The following MARCHF1 variants were observed in gnomAD, a reference collection of about 807,000 sequenced individuals.
MARCHF1 encodes the protein E3 ubiquitin-protein ligase MARCHF1.
A neutral mutation model predicts 54.2 loss-of-function variants in MARCHF1; 40 were observed. That is an observed-to-expected ratio of 0.74 (90% confidence interval 0.57 to 0.96). MARCHF1 has a LOEUF of 0.96. Ranked by LOEUF, MARCHF1 falls within the 40% of genes least tolerant of loss-of-function variation. MARCHF1 has a pLI of 0.00. For synonymous variants in MARCHF1, 236 were observed against 236.3 expected, an observed-to-expected ratio of 1.00 and a Z score of 0.01; for missense variants, 586 against 656.5, an observed-to-expected ratio of 0.89 and a Z score of 1.17.
chr4:163,731,151 A>G (rs1442022754), intron 4 of MARCHF1, among the ~76,000 whole-genome samples: 1 of 152,222 alleles, frequency 6.6e-6, no homozygotes, highest in Non-Finnish European at 1.5e-5. Context: ...ATGACCAAGC[A>G]CATCCCTCTA....
At chr4:163,965,620 A>G (rs1034363502) in intron 3 of MARCHF1, among the ~76,000 whole-genome samples, 1 of 152,050 alleles carries the variant, frequency 6.6e-6, no homozygotes, top group Non-Finnish European at 1.5e-5. Context: ...ACTACTGTAC[A>G]TGACATTTTA....
At position 164,284,357 on chromosome 4, in the gene MARCHF1, A is replaced by C. The variant is rs903611846; in HGVS notation, c.-323+99513T>G. ...GACAGAGAGAGAGAGAGAGAGAGAG[A>C]GAGAGCAAGAACAAGCTGGTCTGGC... On this transcript the variant is annotated intron_variant, in intron 1 of 9. Coordinates refer to ENST00000514618, the MANE Select transcript of MARCHF1 (RefSeq NM_001394959.1). 8.7e-5 allele frequency among the ~76,000 whole-genome samples: 13 copies of C among 148,592 alleles called. No homozygotes were observed. In the South Asian group the frequency reaches 2.8e-3, roughly 32 times the overall value.
chr4:164,059,760 C>T (rs1258695404), intron 2 of MARCHF1, among the ~76,000 whole-genome samples: 1 of 151,982 alleles, frequency 6.6e-6, no homozygotes, highest in African/African-American at 2.4e-5. Context: ...CAATGTGAAG[C>T]ACACAATTTT....
chr4:164,236,631 C>T lies in MARCHF1; in HGVS notation c.-322-124969G>A, dbSNP rs1165232242. 3.9e-5 allele frequency among the ~76,000 whole-genome samples: 6 copies of T among 152,204 alleles called. No homozygotes were observed. The East Asian group carries it at 1.2e-3, about 29-fold the overall frequency. Reference sequence around the variant, plus strand: ...CTAAGCTGGGAACATGTGCATTGAACATCTCAAAGTTTTTGCCACACTGCA... The same window carrying T: ...CTAAGCTGGGAACATGTGCATTGAATATCTCAAAGTTTTTGCCACACTGCA... On this transcript the variant is annotated intron_variant, in intron 1 of 9. Coordinates refer to ENST00000514618, the MANE Select transcript of MARCHF1 (RefSeq NM_001394959.1).
intron 3 of MARCHF1, among the ~76,000 whole-genome samples, chr4:163,925,023 T>C (rs35803817): frequency 6.6e-6 from 1 of 151,532 alleles, no homozygotes; most frequent in Admixed American, 6.6e-5. Flanking sequence ...AGATTTTTAA[T>C]GTCCCAAAGT....
intron 4 of MARCHF1, among the ~76,000 whole-genome samples, chr4:163,817,593 A>G (rs1387179697): frequency 1.3e-5 from 2 of 151,914 alleles, no homozygotes; most frequent in African/African-American, 2.4e-5. Context: ...ACATTTCACA[A>G]TCTGTTGCAC....
intron 4 of MARCHF1, among the ~76,000 whole-genome samples, chr4:163,741,440 G>A (rs1746192587): frequency 1.3e-5 from 2 of 152,002 alleles, no homozygotes; most frequent in Non-Finnish European, 2.9e-5. Context: ...CAAATTAGCC[G>A]GGCGTGGTGG....
intron 4 of MARCHF1, among the ~76,000 whole-genome samples, chr4:163,739,414 A>G (rs540568598): frequency 6.6e-6 from 1 of 152,352 alleles, no homozygotes; most frequent in East Asian, 1.9e-4. Context: ...TAGAAAATTC[A>G]GTATGATGAA....
chr4:163,906,473 T>C (rs927811836), intron 3 of MARCHF1, among the ~76,000 whole-genome samples: 1 of 151,978 alleles, frequency 6.6e-6, no homozygotes, highest in Non-Finnish European at 1.5e-5. Flanking sequence ...TATTTTTTTT[T>C]CAAATACAAA....
chr4:164,106,915 A>G (rs563558811), intron 2 of MARCHF1, among the ~76,000 whole-genome samples: 3 of 152,312 alleles, frequency 2.0e-5, no homozygotes, highest in South Asian at 2.1e-4. Context: ...ATTTTGTCCA[A>G]GGTATCTATC....
intron 1 of MARCHF1, among the ~76,000 whole-genome samples, chr4:164,316,800 C>T (rs575111120): frequency 6.6e-6 from 1 of 152,198 alleles, no homozygotes; most frequent in Middle Eastern, 3.4e-3. Flanking sequence ...TTGCTATTCT[C>T]CTGGTAGTGA....
chr4:163,532,977 C>T (rs571081512), intron 9 of MARCHF1, among the ~76,000 whole-genome samples: 1 of 152,004 alleles, frequency 6.6e-6, no homozygotes, highest in East Asian at 1.9e-4. Context: ...CAATGGTAAC[C>T]ACAGCTTTTC....
chr4:164,315,127 T>A (rs1734961390), intron 1 of MARCHF1, among the ~76,000 whole-genome samples: 1 of 151,724 alleles, frequency 6.6e-6, no homozygotes, highest in Non-Finnish European at 1.5e-5. Flanking sequence ...CCAAACTTGT[T>A]TATGCTCCAT....
Position 164,340,410 on chromosome 4 carries a change from TATAG to T in MARCHF1, c.-323+43456_-323+43459del, listed in dbSNP as rs1489013092. On this transcript the variant is annotated intron_variant, in intron 1 of 9. Coordinates refer to ENST00000514618, the MANE Select transcript of MARCHF1 (RefSeq NM_001394959.1). The stretch of plus-strand genomic sequence containing the variant: ...ACATGCCACCAGGCCTTGATTTATA[TATAG>T]ATATATATATATATATATATAGTTT... Among the ~76,000 whole-genome samples, 38 of 104,518 alleles carry T rather than the reference TATAG, an allele frequency of 3.6e-4. 4 individuals carry two copies. Among genetic ancestry groups the T allele is most frequent in the South Asian group, 2.0e-3 (6 of 2,952 alleles). 68.6% of individuals were successfully genotyped at this position (104,518 alleles called of 152,430 possible).
chr4:164,310,333 C>T (rs979526372), intron 1 of MARCHF1, among the ~76,000 whole-genome samples: 25 of 152,200 alleles, frequency 1.6e-4, no homozygotes, highest in African/African-American at 4.6e-4. Flanking sequence ...ACCTTGTATT[C>T]CCAAAGGGCT....
chr4:163,680,196 C>T (rs1486994208), intron 5 of MARCHF1, among the ~76,000 whole-genome samples: 2 of 152,146 alleles, frequency 1.3e-5, no homozygotes, highest in Non-Finnish European at 2.9e-5. Context: ...ACCGTTTGAT[C>T]CAACTACCAG....
chr4:163,935,771 T>C (rs1235809451), intron 3 of MARCHF1, among the ~76,000 whole-genome samples: 2 of 151,138 alleles, frequency 1.3e-5, no homozygotes, highest in African/African-American at 4.9e-5. Flanking sequence ...TGCAGGTTAG[T>C]TACATATGTA....
intron 4 of MARCHF1, among the ~76,000 whole-genome samples, chr4:163,707,885 C>G (rs1744995626): frequency 6.7e-6 from 1 of 150,088 alleles, no homozygotes; most frequent in Non-Finnish European, 1.5e-5. Flanking sequence ...AGCTTCTGTT[C>G]TGGGCTGGAA....
At chr4:164,194,610 AT>A (rs2111059866) in intron 1 of MARCHF1, among the ~76,000 whole-genome samples, 1 of 152,320 alleles carries the variant, frequency 6.6e-6, no homozygotes, top group African/African-American at 2.4e-5. Flanking sequence ...TTATAATAAA[AT>A]TTAGCAGGAT....
Sources: allele counts gnomAD v4.1 joint callset (sites outside exome capture counted in the v4.1 genomes callset), GRCh38; gene constraint gnomAD v4.1.1; transcripts MANE v1.5; gene names NCBI Gene and HGNC (gene_info 2026-07-23, HGNC 2026-07-21).